Variants in NLRP1 observed in about 807,000 individuals in gnomAD.
NLRP1 encodes NLR family pyrin domain containing 1.
A neutral mutation model predicts 136.7 loss-of-function variants in NLRP1; 94 were observed. That is an observed-to-expected ratio of 0.69 (90% CI 0.58 to 0.82). The LOEUF is 0.82. Among genes scored for constraint, NLRP1 ranks in the 40% least tolerant of loss-of-function variants. The pLI, the probability that NLRP1 is intolerant of heterozygous loss-of-function variation, is 0.00. For synonymous variants in NLRP1, 690 were observed against 725.1 expected (o/e 0.95, Z 0.78); for missense variants, 1,575 against 1,802.7 (o/e 0.87, Z 2.29).
rs1273727617 is a variant in NLRP1, at chr17:5,559,413, A to G, written c.1283T>C (p.Leu428Pro). Residue 428 changes from leucine to proline, a missense_variant, in exon 4 of 17, where the codon CTG becomes CCG. Coordinates refer to ENST00000572272, the MANE Select transcript of NLRP1 (RefSeq NM_033004.4). Reference sequence around the variant, plus strand: ...CGCCGGCTGTGGCTGGCTCCAGTGCAGACAGAGCTCAGAACTCGGCTCCTG... The same window carrying G: ...CGCCGGCTGTGGCTGGCTCCAGTGCGGACAGAGCTCAGAACTCGGCTCCTG... ...VLQEPSSELCLHWSQPQPADA... is the reference protein window; with the variant it reads ...VLQEPSSELCPHWSQPQPADA... 2 of 1,613,964 alleles carry G rather than the reference A, an allele frequency of 1.2e-6. No homozygotes were observed. Among genetic ancestry groups the G allele is most frequent in the African/African-American group, 1.3e-5 (1 of 74,942 alleles).
downstream of NLRP1, among the ~76,000 whole-genome samples, chr17:5,512,911 G>A (rs1907736956): frequency 6.6e-6 from 1 of 152,170 alleles, no homozygotes; most frequent in Non-Finnish European, 1.5e-5. Context: ...TGGAGTCTTT[G>A]TGACCTGCAT....
chr17:5,506,284 C>CA (rs201536042), intron 15 of NLRP1, among the ~76,000 whole-genome samples: 596 of 127,148 alleles, frequency 4.7e-3, no homozygotes, highest in East Asian at 0.016. Context: ...AAGTCTGTCT[C>CA]AAAAAAAAAA....
At chr17:5,532,068 C>A (rs547818346) in intron 11 of NLRP1, among the ~76,000 whole-genome samples, 1 of 152,194 alleles carries the variant, frequency 6.6e-6, no homozygotes, top group East Asian at 1.9e-4. Context: ...TATGGTGAAA[C>A]CCCCATCTCT....
intron 3 of NLRP1, among the ~76,000 whole-genome samples, chr17:5,579,949 C>A (rs769731388): frequency 4.6e-5 from 7 of 152,032 alleles, no homozygotes; most frequent in African/African-American, 7.2e-5. Flanking sequence ...TAAAAAACTA[C>A]CGGGCCGGGC....
chr17:5,575,080 T>C (rs1904875756), intron 3 of NLRP1, among the ~76,000 whole-genome samples: 1 of 152,096 alleles, frequency 6.6e-6, no homozygotes, highest in Non-Finnish European at 1.5e-5. Flanking sequence ...TGCTGAGAGA[T>C]TTTGTCACCA....
chr17:5,532,151 G>A (rs1910376211), intron 11 of NLRP1, among the ~76,000 whole-genome samples: 2 of 152,188 alleles, frequency 1.3e-5, no homozygotes, highest in South Asian at 4.1e-4. Context: ...AGAGGCTGAG[G>A]CTGGAGAATC....
intron 13 of NLRP1, 143 bp downstream of exon 13, chr17:5,521,381 G>C: frequency 1.2e-6 from 1 of 816,226 alleles, no homozygotes; most frequent in Non-Finnish European, 2.0e-6. Context: ...GAGAGGGGAC[G>C]AATTGTTTGC....
At position 5,558,896 on chromosome 17, in the gene NLRP1, G is replaced by C; in HGVS notation, c.1800C>G (p.Ile600Met). The C allele has an allele frequency of 6.2e-7, 1 of 1,614,142 alleles. No homozygotes were observed. Among genetic ancestry groups the C allele is most frequent in the South Asian group, 1.1e-5 (1 of 91,076 alleles). ...DLRKHGLDGA[I>M]ISTFLKMGIL... ...TACCCATCTTCAAGAAGGTGGAGAT[G>C]ATGGCCCCATCTAACCCATGCTTCC... The change falls in exon 4 of 17, where the codon ATC (isoleucine) becomes ATG (methionine). Residue 600 changes from isoleucine to methionine, a missense_variant. Coordinates refer to ENST00000572272, the MANE Select transcript of NLRP1 (RefSeq NM_033004.4).
At chr17:5,581,053 C>T (rs1905582952) in intron 3 of NLRP1, among the ~76,000 whole-genome samples, 2 of 152,290 alleles carry the variant, frequency 1.3e-5, no homozygotes, top group Non-Finnish European at 2.9e-5. Flanking sequence ...TGAGCCTAGG[C>T]CATATACGAC....
chr17:5,562,562 C>T (rs770098901), intron 3 of NLRP1, among the ~76,000 whole-genome samples: 9 of 152,188 alleles, frequency 5.9e-5, no homozygotes, highest in Non-Finnish European at 8.8e-5. Flanking sequence ...CCCCTGTCCC[C>T]AACACACACA....
At chr17:5,578,089 C>A (rs1905201656) in intron 3 of NLRP1, among the ~76,000 whole-genome samples, 1 of 151,628 alleles carries the variant, frequency 6.6e-6, no homozygotes, top group African/African-American at 2.4e-5. Context: ...CCCTTCCTTA[C>A]ACCTTATACA....
intron 3 of NLRP1, among the ~76,000 whole-genome samples, chr17:5,571,704 C>A (rs2151818450): frequency 6.6e-6 from 1 of 152,216 alleles, no homozygotes; most frequent in South Asian, 2.1e-4. Flanking sequence ...AATGCTATTC[C>A]TAGCAAGCAA....
intron 12 of NLRP1, 110 bp downstream of exon 12, chr17:5,530,371 G>A (rs954254877): frequency 8.6e-5 from 77 of 895,836 alleles, no homozygotes; most frequent in Non-Finnish European, 1.1e-4. Context: ...ACCCCCCCTC[G>A]GCCCCTCTAA....
chr17:5,571,402 C>T (rs1904335691), intron 3 of NLRP1, among the ~76,000 whole-genome samples: 1 of 152,190 alleles, frequency 6.6e-6, no homozygotes, highest in Non-Finnish European at 1.5e-5. Flanking sequence ...TAAACAACTT[C>T]AGCAAAGTTT....
chr17:5,574,833 T>G (rs1353512362), intron 3 of NLRP1, among the ~76,000 whole-genome samples: 2 of 151,910 alleles, frequency 1.3e-5, no homozygotes, highest in Non-Finnish European at 2.9e-5. Flanking sequence ...GGCTAATTTT[T>G]TTTGTATTTT....
intron 8 of NLRP1, among the ~76,000 whole-genome samples, chr17:5,535,807 A>AC (rs770206275): frequency 6.6e-6 from 1 of 152,236 alleles, no homozygotes; most frequent in Non-Finnish European, 1.5e-5. Context: ...CTTCATGGTC[A>AC]GGTGGAAATG....
intron 15 of NLRP1, among the ~76,000 whole-genome samples, chr17:5,516,767 G>A (rs1908170924): frequency 6.6e-6 from 1 of 152,192 alleles, no homozygotes; most frequent in African/African-American, 2.4e-5. Flanking sequence ...GCTGGGGCTG[G>A]TTAGTTCTCC....
intron 14 of NLRP1, 25 bp from the exon 15 acceptor site, chr17:5,517,912 C>T: frequency 1.2e-6 from 2 of 1,612,588 alleles, no homozygotes; most frequent in Admixed American, 1.7e-5. Context: ...AGTTGAGTTG[C>T]CACCCTGTTC....
intron 3 of NLRP1, among the ~76,000 whole-genome samples, chr17:5,563,108 CA>C (rs1006737797): frequency 2.6e-5 from 4 of 151,620 alleles, no homozygotes; most frequent in South Asian, 2.1e-4. Context: ...AAAAACAAAA[CA>C]AAAAAAACCC....
Sources: allele counts gnomAD v4.1 joint callset (sites outside exome capture counted in the v4.1 genomes callset), GRCh38; gene constraint gnomAD v4.1.1; transcripts MANE v1.5; gene names NCBI Gene and HGNC (gene_info 2026-07-23, HGNC 2026-07-21).